SNTG2: variants seen among roughly 807,000 people sequenced by gnomAD.
SNTG2 encodes the protein gamma-2-syntrophin.
A neutral mutation model predicts 70.9 loss-of-function variants in SNTG2; 74 were observed. That is an observed-to-expected ratio of 1.04 (90% confidence interval 0.86 to 1.27). The LOEUF (loss-of-function observed/expected upper bound fraction) is 1.27, where lower values mean the gene tolerates loss of function less well. Ranked by LOEUF, SNTG2 falls within the 50% of genes most tolerant of loss-of-function variation. The pLI is 0.00. For missense variants in SNTG2, 717 were observed against 690.7 expected, an observed-to-expected ratio of 1.04 and a Z score of -0.43; for synonymous variants, 278 against 273.8, an observed-to-expected ratio of 1.02 and a Z score of -0.15.
chr2:1,218,236 C>A (rs1305806727), intron 9 of SNTG2, among the ~76,000 whole-genome samples: 1 of 152,102 alleles, frequency 6.6e-6, no homozygotes, highest in East Asian at 1.9e-4. Flanking sequence ...CAGGCTGTAC[C>A]CCTGCATAAA....
At chr2:1,286,203 AT>A (rs2148214743) in intron 14 of SNTG2, among the ~76,000 whole-genome samples, 1 of 152,246 alleles carries the variant, frequency 6.6e-6, no homozygotes, top group African/African-American at 2.4e-5. Flanking sequence ...GGAAACAGAA[AT>A]TTTGCTAGGG....
In SNTG2 at chr2:1,137,828, A is replaced by G. The variant is rs763276756; in HGVS notation, c.411+19A>G. On this transcript the variant is annotated intron_variant, in intron 6 of 16. Coordinates refer to ENST00000308624, the MANE Select transcript of SNTG2 (RefSeq NM_018968.4). The stretch of plus-strand genomic sequence containing the variant: ...AGAAGTGGTAAGTGAATTACATTTT[A>G]TAGTTATTCTGTTTATTATTCTTGT... 1.3e-6 allele frequency: 2 copies of G among 1,593,610 alleles called. No homozygotes were observed. The highest frequency in any genetic ancestry group is 2.2e-5 in the South Asian group (2 of 90,592).
intron 4 of SNTG2, chr2:1,103,418 C>G (rs1041728605): frequency 1.9e-5 from 5 of 261,700 alleles, no homozygotes; most frequent in Admixed American, 5.8e-5. Flanking sequence ...GAGTCTTGCT[C>G]TGTCGCCCAG....
intron 1 of SNTG2, among the ~76,000 whole-genome samples, chr2:951,408 T>C (rs548540152): frequency 2.0e-3 from 307 of 152,296 alleles, no homozygotes; most frequent in Non-Finnish European, 3.3e-3. Context: ...TGGCCCGGCA[T>C]TGCTTCCCAG....
In SNTG2 at chr2:1,094,850, G is replaced by C. The variant is rs1359211355; in HGVS notation, c.211-3346G>C. ...CCTCATGTGGTAGAGTTACTGGCAA[G>C]GGCTGGCTTCCTGGGCTGCAGGCGA... On this transcript the variant is annotated intron_variant, in intron 2 of 16. Coordinates refer to ENST00000308624, the MANE Select transcript of SNTG2 (RefSeq NM_018968.4). Among the ~76,000 whole-genome samples, 5 of 77,468 alleles carry C rather than the reference G, an allele frequency of 6.5e-5. 2 individuals are homozygous for C. The highest frequency in any genetic ancestry group is 1.3e-4 in the African/African-American group (2 of 15,060). The allele number at this position is 77,468 out of a possible 152,430, so 50.8% of individuals were successfully genotyped here.
chr2:1,142,891 T>G (rs572487961), intron 6 of SNTG2, among the ~76,000 whole-genome samples: 36 of 152,358 alleles, frequency 2.4e-4, no homozygotes, highest in African/African-American at 8.7e-4. Flanking sequence ...ACCATTGCAT[T>G]GCAATTCTTT....
At chr2:1,152,911 G>C (rs1213770420) in intron 6 of SNTG2, among the ~76,000 whole-genome samples, 5 of 152,120 alleles carry the variant, frequency 3.3e-5, no homozygotes, top group Non-Finnish European at 7.4e-5. Flanking sequence ...ATCTCCTGAG[G>C]TCAGGAGTTC....
At chr2:1,306,808 G>T (rs1680696643) in intron 14 of SNTG2, among the ~76,000 whole-genome samples, 1 of 151,724 alleles carries the variant, frequency 6.6e-6, no homozygotes, top group Admixed American at 6.6e-5. Context: ...GCCACATGCT[G>T]TGTCAGAGCA....
chr2:1,005,845 ATATATATATATATATATATATATATATAT>A (rs1659552108), intron 1 of SNTG2, among the ~76,000 whole-genome samples: 1 of 20,898 alleles, frequency 4.8e-5, no homozygotes, highest in Non-Finnish European at 1.1e-4. Flanking sequence ...ATATATATAT[ATATATATATATATATATATATATATATAT>A]AAACGTTGAC....
intron 1 of SNTG2, among the ~76,000 whole-genome samples, chr2:1,041,747 C>A (rs1572280627): frequency 6.6e-6 from 1 of 152,178 alleles, no homozygotes; most frequent in Non-Finnish European, 1.5e-5. Flanking sequence ...TCCTACACAG[C>A]CTGCAGATCT....
chr2:1,302,866 G>C (rs1680517385), intron 14 of SNTG2, among the ~76,000 whole-genome samples: 1 of 152,118 alleles, frequency 6.6e-6, no homozygotes, highest in South Asian at 2.1e-4. Context: ...GGAGACTTCA[G>C]AGAAAATAAA....
intron 1 of SNTG2, among the ~76,000 whole-genome samples, chr2:1,031,374 C>T (rs1355169950): frequency 6.6e-6 from 1 of 151,594 alleles, no homozygotes; most frequent in Non-Finnish European, 1.5e-5. Flanking sequence ...CAGATGGGCA[C>T]ACTCTAATTG....
chr2:1,183,954 G>T (rs896720464), intron 8 of SNTG2, among the ~76,000 whole-genome samples: 1 of 152,150 alleles, frequency 6.6e-6, no homozygotes, highest in African/African-American at 2.4e-5. Context: ...AGGAAGGGCT[G>T]TCAAAACCCT....
intron 1 of SNTG2, among the ~76,000 whole-genome samples, chr2:1,035,547 G>A (rs78466022): frequency 0.022 from 3,410 of 152,262 alleles, 119 homozygotes; most frequent in African/African-American, 0.072. Context: ...TGCTCATTGT[G>A]TACTTCAGCG....
intron 16 of SNTG2, among the ~76,000 whole-genome samples, chr2:1,338,359 C>A (rs1278785786): frequency 2.0e-5 from 3 of 152,132 alleles, no homozygotes; most frequent in African/African-American, 7.2e-5. Context: ...GTCTTCATTA[C>A]TTTCTTTTAA....
intron 1 of SNTG2, among the ~76,000 whole-genome samples, chr2:982,023 C>T (rs11127540): frequency 0.3 from 45,404 of 151,870 alleles, 7,107 homozygotes; most frequent in Middle Eastern, 0.41. Context: ...TGCACACAGA[C>T]ACACACTCAC....
chr2:1,139,502 C>G (rs1668612367), intron 6 of SNTG2, among the ~76,000 whole-genome samples: 1 of 152,092 alleles, frequency 6.6e-6, no homozygotes, highest in Non-Finnish European at 1.5e-5. Flanking sequence ...TCTCAAAGTG[C>G]TGGGATTACA....
intron 1 of SNTG2, among the ~76,000 whole-genome samples, chr2:1,046,231 A>G (rs1045788054): frequency 1.3e-5 from 2 of 152,006 alleles, no homozygotes; most frequent in Admixed American, 6.5e-5. Context: ...TTCTCTATTC[A>G]TTTCCCCTAA....
intron 1 of SNTG2, 65 bp downstream of exon 1, chr2:951,133 C>G: frequency 5.7e-6 from 4 of 700,744 alleles, no homozygotes; most frequent in Non-Finnish European, 8.0e-6. Flanking sequence ...GCGCCCTTCT[C>G]CCCCCGCCCC....
Sources: allele counts gnomAD v4.1 joint callset (sites outside exome capture counted in the v4.1 genomes callset), GRCh38; gene constraint gnomAD v4.1.1; transcripts MANE v1.5; gene names NCBI Gene and HGNC (gene_info 2026-07-23, HGNC 2026-07-21).